The following NDUFB10 variants were observed in gnomAD, a reference collection of about 807,000 sequenced individuals.
NDUFB10 encodes NADH dehydrogenase [ubiquinone] 1 beta subcomplex subunit 10.
NDUFB10 carries 23 observed loss-of-function variants against 19.0 expected under a neutral mutation model. That is an observed-to-expected ratio of 1.21 (90% confidence interval 0.87 to 1.71). The LOEUF (loss-of-function observed/expected upper bound fraction) is 1.71, where lower values mean the gene tolerates loss of function less well. Ranked by LOEUF, NDUFB10 falls within the 40% of genes most tolerant of loss-of-function variation. The pLI is 0.00. For missense variants in NDUFB10, 312 were observed against 230.6 expected (o/e 1.35, Z -2.29); for synonymous variants, 104 against 81.8 (o/e 1.27, Z -1.46).
intron 1 of NDUFB10, among the ~76,000 whole-genome samples, chr16:1,960,490 G>T (rs1197608686): frequency 6.6e-6 from 1 of 152,166 alleles, no homozygotes; most frequent in African/African-American, 2.4e-5. Flanking sequence ...CCAGGTGCTG[G>T]GATTACAGGC....
In NDUFB10 at chr16:1,959,607, TCCGCGCC is replaced by T; in HGVS notation, c.-16_-10del. The T allele has an allele frequency of 6.2e-7, 1 of 1,600,660 alleles. No homozygotes were observed. The highest frequency in any genetic ancestry group is 1.1e-5 in the South Asian group (1 of 89,968). On this transcript the variant is annotated 5_prime_UTR_variant, in exon 1 of 4. Coordinates refer to ENST00000268668, the MANE Select transcript of NDUFB10 (RefSeq NM_004548.3). ...CAGGGCAGCGCGTCCGGGAGCGGAG[TCCGCGCC>T]CGCCGCCGCCATGCCGGACAGCTGG...
intron 1 of NDUFB10, among the ~76,000 whole-genome samples, chr16:1,960,409 C>T (rs1421757850): frequency 1.3e-5 from 2 of 152,018 alleles, no homozygotes; most frequent in Admixed American, 6.6e-5. Flanking sequence ...TTTTAGTAGA[C>T]ACGGGGTTTC....
At chr16:1,961,770 C>A in intron 3 of NDUFB10, 27 bp from the exon 4 acceptor site, 1 of 1,547,798 alleles carries the variant, frequency 6.5e-7, no homozygotes, top group Non-Finnish European at 8.7e-7. Flanking sequence ...GGCCTCGGTT[C>A]CCAGCTTGTT....
chr16:1,961,719 C>T, intron 3 of NDUFB10, 78 bp from the exon 4 acceptor site: 2 of 1,534,094 alleles, frequency 1.3e-6, no homozygotes, highest in Non-Finnish European at 1.8e-6. Context: ...CCCTCCCCTC[C>T]CTTGTGCTCA....
In NDUFB10 at chr16:1,961,152, G is replaced by C; in HGVS notation, c.131-1G>C. On this transcript the variant is annotated splice_acceptor_variant, in intron 1 of 3. Coordinates refer to ENST00000268668, the MANE Select transcript of NDUFB10 (RefSeq NM_004548.3). LOFTEE classifies it high-confidence loss of function. ...TTGAGTCTGTGGCTTTGTCTTTGCA[G>C]AATTTATAGAGCGGCAGCACGCAAA... The C allele has an allele frequency of 6.2e-7, 1 of 1,613,872 alleles. No homozygotes were observed. Among genetic ancestry groups the C allele is most frequent in the Non-Finnish European group, 8.5e-7 (1 of 1,179,908 alleles).
chr16:1,961,611 G>C lies in NDUFB10; in HGVS notation c.384G>C (p.Gln128His), dbSNP rs1348808291. ...NCIKEVEQFT[Q>H]VAKAYQDRYQ... The stretch of plus-strand genomic sequence containing the variant: ...TCAAGGAAGTGGAGCAGTTCACCCA[G>C]GTGGCCAAGGCCTACCAGGACCGCT... The change falls in exon 3 of 4, where the codon CAG (glutamine) becomes CAC (histidine). Residue 128 changes from glutamine to histidine, a missense_variant. Coordinates refer to ENST00000268668, the MANE Select transcript of NDUFB10 (RefSeq NM_004548.3). 6.2e-7 allele frequency: 1 copy of C among 1,613,716 alleles called. No individual in the cohort carries two copies. Among genetic ancestry groups the C allele is most frequent in the Non-Finnish European group, 8.5e-7 (1 of 1,179,996 alleles).
At position 1,961,260 on chromosome 16, in the gene NDUFB10, T is replaced by C; in HGVS notation, c.238T>C (p.Tyr80His). Residue 80 changes from tyrosine (Y) to histidine (H), a missense_variant, in exon 2 of 4, where the codon TAT becomes CAT. Transcript: ENST00000268668. ...ECKEEDIMCM[Y>H]EAEMQWKRDY... ...CAAGGAGGAGGACATCATGTGCATG[T>C]ATGAAGCCGAAATGCAGTGGAAGAG... The C allele has an allele frequency of 6.2e-7, 1 of 1,614,016 alleles. No homozygotes were observed. Among genetic ancestry groups the C allele is most frequent in the Non-Finnish European group, 8.5e-7 (1 of 1,180,020 alleles).
rs374852309 is a variant in NDUFB10 at position 1,960,370 on chromosome 16, C to G, written c.130+616C>G. 3.3e-5 allele frequency among the ~76,000 whole-genome samples: 5 copies of G among 152,090 alleles called. No individual in the cohort carries two copies. The South Asian group carries it at 1.0e-3, about 32-fold the overall frequency. ...CCCCAGTACTAGGATTACAGGCGCA[C>G]CACCACCACGCCCAGCTAATTTTTA... On this transcript the variant is annotated intron_variant, in intron 1 of 3. Transcript: ENST00000268668.
In NDUFB10 at chr16:1,961,975, G is replaced by T; in HGVS notation, c.*69G>T. On this transcript the variant is annotated 3_prime_UTR_variant, in exon 4 of 4. Transcript: ENST00000268668. ...GCTGAAATATAAAGCCCTGCAACCT[G>T]CCTGTGTGTCTGGTGTGATCTATTG... 1 of 1,484,188 alleles carries T rather than the reference G, an allele frequency of 6.7e-7. No individual in the cohort carries two copies. Among genetic ancestry groups the T allele is most frequent in the Non-Finnish European group, 9.2e-7 (1 of 1,089,496 alleles). The allele number at this position is 1,484,188 out of a possible 1,614,324, so 91.9% of individuals were successfully genotyped here. A position where few individuals can be genotyped will look rare whatever the true frequency, so the allele number is the denominator to read the frequency against.
chr16:1,961,707 T>A (rs897346879), intron 3 of NDUFB10, 71 bp downstream of exon 3: 1 of 1,290,610 alleles, frequency 7.7e-7, no homozygotes, highest in Non-Finnish European at 1.0e-6. Flanking sequence ...ATTGCAAATC[T>A]TCCCTCCCCT....
chr16:1,961,605 C>A lies in NDUFB10; in HGVS notation c.378C>A (p.Phe126Leu). ...QQNCIKEVEQ[F>L]TQVAKAYQDR... ...ACTGTATCAAGGAAGTGGAGCAGTT[C>A]ACCCAGGTGGCCAAGGCCTACCAGG... The change falls in exon 3 of 4, where the codon TTC becomes TTA. Residue 126 changes from phenylalanine to leucine, a missense_variant. Physicochemically the swap from Phe to Leu is conservative, Grantham distance 22. Transcript: ENST00000268668. The A allele has an allele frequency of 6.2e-7, 1 of 1,613,894 alleles. No individual in the cohort carries two copies. The highest frequency in any genetic ancestry group is 8.5e-7 in the Non-Finnish European group (1 of 1,179,996).
intron 1 of NDUFB10, among the ~76,000 whole-genome samples, chr16:1,960,084 G>GAA (rs2083243323): frequency 1.3e-5 from 2 of 152,144 alleles, no homozygotes; most frequent in Non-Finnish European, 2.9e-5. Context: ...GCCGCCCCGG[G>GAA]CACCCCTCCA....
At chr16:1,961,361 C>G in intron 2 of NDUFB10, 70 bp downstream of exon 2, 1 of 1,604,084 alleles carries the variant, frequency 6.2e-7, no homozygotes, top group East Asian at 2.2e-5. Flanking sequence ...CCTGGGATGC[C>G]ACAGGGTGGC....
rs1220569441 is a variant in NDUFB10, at chr16:1,961,307, T to C, written c.269+16T>C. The stretch of plus-strand genomic sequence containing the variant: ...AGAGGGACTAGTACGTGAGCCATGC[T>C]GGGAGTGTGGAGATCTGCACCGTGT... On this transcript the variant is annotated intron_variant, in intron 2 of 3. Coordinates refer to ENST00000268668, the MANE Select transcript of NDUFB10 (RefSeq NM_004548.3). The C allele has an allele frequency of 1.2e-6, 2 of 1,613,666 alleles. No homozygotes were observed. Among genetic ancestry groups the C allele is most frequent in the South Asian group, 2.2e-5 (2 of 91,078 alleles).
Position 1,961,963 on chromosome 16 carries a change from G to C in NDUFB10, c.*57G>C. Reference sequence around the variant, plus strand: ...TGTATGACTGTTGCTGAAATATAAAGCCCTGCAACCTGCCTGTGTGTCTGG... The same window carrying C: ...TGTATGACTGTTGCTGAAATATAAACCCCTGCAACCTGCCTGTGTGTCTGG... On this transcript the variant is annotated 3_prime_UTR_variant, in exon 4 of 4. Transcript: ENST00000268668. The C allele has an allele frequency of 1.3e-6, 2 of 1,506,498 alleles. No individual in the cohort carries two copies. The highest frequency in any genetic ancestry group is 2.4e-5 in the East Asian group (1 of 40,920). 93.3% of individuals were successfully genotyped at this position (1,506,498 alleles called of 1,614,324 possible). A position where few individuals can be genotyped will look rare whatever the true frequency, so the allele number is the denominator to read the frequency against.
Position 1,961,164 on chromosome 16 carries a change from C to G in NDUFB10, c.142C>G (p.Arg48Gly), listed in dbSNP as rs761010309. 6.2e-7 allele frequency: 1 copy of G among 1,613,794 alleles called. No homozygotes were observed. The highest frequency in any genetic ancestry group is 1.3e-5 in the African/African-American group (1 of 74,918). Reference sequence around the variant, plus strand: ...CTTTGTCTTTGCAGAATTTATAGAGCGGCAGCACGCAAAGAACAGGTATTA... The same window carrying G: ...CTTTGTCTTTGCAGAATTTATAGAGGGGCAGCACGCAAAGAACAGGTATTA... ...PVTLVREFIE[R>G]QHAKNRYYYY... Residue 48 changes from arginine to glycine, a missense_variant, in exon 2 of 4, where the codon CGG becomes GGG. Physicochemically the swap from Arg to Gly is moderately radical, Grantham distance 125. Coordinates refer to ENST00000268668, the MANE Select transcript of NDUFB10 (RefSeq NM_004548.3).
At chr16:1,961,002 C>T in intron 1 of NDUFB10, 151 bp from the exon 2 acceptor site, 2 of 964,510 alleles carry the variant, frequency 2.1e-6, no homozygotes, top group East Asian at 2.6e-5. Context: ...TGGCTGGCCA[C>T]ATCCCTTAGA....
At chr16:1,960,155 G>T (rs981306195) in intron 1 of NDUFB10, among the ~76,000 whole-genome samples, 1 of 151,888 alleles carries the variant, frequency 6.6e-6, no homozygotes, top group Admixed American at 6.6e-5. Context: ...AAGTGTCGGG[G>T]TGATGGCCGA....
At chr16:1,960,457 A>G (rs554822962) in intron 1 of NDUFB10, among the ~76,000 whole-genome samples, 1 of 152,322 alleles carries the variant, frequency 6.6e-6, no homozygotes, top group Non-Finnish European at 1.5e-5. Flanking sequence ...TCCTGACCTC[A>G]GGTGATCCTC....
Sources: allele counts gnomAD v4.1 joint callset (sites outside exome capture counted in the v4.1 genomes callset), GRCh38; gene constraint gnomAD v4.1.1; transcripts MANE v1.5; gene names NCBI Gene and HGNC (gene_info 2026-07-23, HGNC 2026-07-21).